Variants in NUDT5 observed in about 807,000 individuals in gnomAD.
The protein encoded by NUDT5 is ADP-sugar pyrophosphatase.
NUDT5 carries 21 observed loss-of-function variants against 34.1 expected under a neutral mutation model. The observed-to-expected ratio is 0.62, with a 90% CI of 0.44 to 0.89. The LOEUF is 0.89. Ranked by LOEUF, NUDT5 falls within the 40% of genes least tolerant of loss-of-function variation. NUDT5 has a pLI of 0.00. For missense variants in NUDT5, 249 were observed against 274.8 expected, an observed-to-expected ratio of 0.91 and a Z score of 0.66; for synonymous variants, 85 against 97.6, an observed-to-expected ratio of 0.87 and a Z score of 0.76.
At position 12,172,658 on chromosome 10, in the gene NUDT5, G is replaced by A. The variant is rs1412335976; in HGVS notation, c.487+107C>T. 11 of 722,142 alleles carry A rather than the reference G, an allele frequency of 1.5e-5. 1 individual carries two copies. The highest frequency in any genetic ancestry group is 2.4e-4 in the Middle Eastern group (1 of 4,242). 44.7% of individuals were successfully genotyped at this position (722,142 alleles called of 1,614,324 possible). On this transcript the variant is annotated intron_variant, in intron 7 of 9. Transcript: ENST00000491614. Reference sequence around the variant, plus strand: ...ACTGATGAAGTCTATTTGAAAGACCGATTCTTTCCATGAAAGACTACATTC... The same window carrying A: ...ACTGATGAAGTCTATTTGAAAGACCAATTCTTTCCATGAAAGACTACATTC...
In NUDT5 at chr10:12,182,067, T is replaced by A. The variant is rs983694166; in HGVS notation, c.131+2822A>T. 6.6e-6 allele frequency among the ~76,000 whole-genome samples: 1 copy of A among 151,348 alleles called. No individual in the cohort carries two copies. The highest frequency in any genetic ancestry group is 6.6e-5 in the Admixed American group (1 of 15,174). ...TTGCTAGAACCAGGGAGGTAGAGGT[T>A]GCAGTGAGCTGAGACCACACCATTG... On this transcript the variant is annotated intron_variant, in intron 3 of 9. Transcript: ENST00000491614. This position sits in a 1 kb window ranked among gnomAD's most constrained non-coding sequence, Gnocchi z 4.3.
chr10:12,193,776 T>C (rs1017356119), intron 1 of NUDT5, among the ~76,000 whole-genome samples: 3 of 152,176 alleles, frequency 2.0e-5, no homozygotes, highest in African/African-American at 7.2e-5. Flanking sequence ...TTCCCTGTAG[T>C]ATCTATATAT....
At chr10:12,177,314 T>G (rs1355674243) in intron 5 of NUDT5, among the ~76,000 whole-genome samples, 3 of 152,002 alleles carry the variant, frequency 2.0e-5, no homozygotes, top group African/African-American at 4.8e-5. Flanking sequence ...GGTCAGGAGA[T>G]CGAGACCATC....
At chr10:12,185,387 G>T (rs375455462) in intron 2 of NUDT5, among the ~76,000 whole-genome samples, 95 of 152,318 alleles carry the variant, frequency 6.2e-4, no homozygotes, top group African/African-American at 2.2e-3. Flanking sequence ...TTTCCTGTCA[G>T]TGATGACACA....
At chr10:12,183,450 C>T (rs148383992) in intron 3 of NUDT5, among the ~76,000 whole-genome samples, 18 of 152,304 alleles carry the variant, frequency 1.2e-4, no homozygotes, top group African/African-American at 3.8e-4. Flanking sequence ...GATATAATCA[C>T]AGTTGTTCAG....
In NUDT5 at chr10:12,170,296, G is replaced by C. The variant is rs997366991; in HGVS notation, c.550+421C>G. ...GAAATACCTCAAGTATTTGTTGAAG[G>C]AGCATCATCAATTTCTCCTTGAACA... On this transcript the variant is annotated intron_variant, in intron 9 of 9. Coordinates refer to ENST00000491614, the MANE Select transcript of NUDT5 (RefSeq NM_014142.4). The surrounding 1 kb of genome is among the most constrained non-coding windows in gnomAD (Gnocchi z 4.9). 2 of 1,134,816 alleles carry C rather than the reference G, an allele frequency of 1.8e-6. No individual in the cohort carries two copies. Among genetic ancestry groups the C allele is most frequent in the African/African-American group, 3.0e-5 (2 of 65,818 alleles). 70.3% of individuals were successfully genotyped at this position (1,134,816 alleles called of 1,614,324 possible).
At chr10:12,190,146 G>A (rs1588663079) in intron 1 of NUDT5, among the ~76,000 whole-genome samples, 1 of 152,104 alleles carries the variant, frequency 6.6e-6, no homozygotes, top group African/African-American at 2.4e-5. Context: ...GCCTCGGCCT[G>A]CCAAAGTGCT....
At chr10:12,174,885 C>T (rs994374033) in intron 5 of NUDT5, among the ~76,000 whole-genome samples, 1 of 151,232 alleles carries the variant, frequency 6.6e-6, no homozygotes, top group East Asian at 1.9e-4. Context: ...AGTAAAACAC[C>T]GAGGCCTGGG....
At chr10:12,176,831 C>G (rs1459399664) in intron 5 of NUDT5, among the ~76,000 whole-genome samples, 2 of 151,972 alleles carry the variant, frequency 1.3e-5, no homozygotes, top group Non-Finnish European at 2.9e-5. Context: ...GAGTTAAGAG[C>G]CTGGCCTAGG....
rs138665688 is a variant in NUDT5 at position 12,179,260 on chromosome 10, A to G, written c.132-128T>C. On this transcript the variant is annotated intron_variant, in intron 3 of 9. Coordinates refer to ENST00000491614, the MANE Select transcript of NUDT5 (RefSeq NM_014142.4). ...TGTACTCATGATACTGGTCAAGAAG[A>G]CCACAGCAATAAACGTCTGCATTAA... 1.7e-3 allele frequency: 1,165 copies of G among 675,686 alleles called. 15 individuals are homozygous for G. The African/African-American group carries it at 0.019, about 11-fold the overall frequency. 41.9% of individuals were successfully genotyped at this position (675,686 alleles called of 1,614,324 possible).
At position 12,184,925 on chromosome 10, in the gene NUDT5, T is replaced by C; in HGVS notation, c.95A>G (p.Glu32Gly). The C allele has an allele frequency of 1.3e-6, 2 of 1,599,318 alleles. No homozygotes were observed. Among genetic ancestry groups the C allele is most frequent in the Non-Finnish European group, 1.7e-6 (2 of 1,169,446 alleles). ...LISEGKWVKL[E>G]KTTYMDPTGK... is the part of the protein sequence containing the mutation. ...AGTAGGATCCATGTACGTTGTTTTTTCAAGCTTGACCCATTTTCCTTCTGA... is the reference window on the plus strand; with the variant it reads ...AGTAGGATCCATGTACGTTGTTTTTCCAAGCTTGACCCATTTTCCTTCTGA... The change falls in exon 3 of 10, where the codon GAA becomes GGA. Residue 32 changes from glutamate to glycine, a missense_variant. Coordinates refer to ENST00000491614, the MANE Select transcript of NUDT5 (RefSeq NM_014142.4).
Position 12,184,937 on chromosome 10 carries a change from C to T in NUDT5, c.83G>A (p.Trp28Ter), listed in dbSNP as rs1386697193. The T allele has an allele frequency of 1.3e-6, 2 of 1,575,932 alleles. No individual in the cohort carries two copies. The highest frequency in any genetic ancestry group is 2.7e-5 in the African/African-American group (2 of 73,976). The change falls in exon 3 of 10, where the codon TGG becomes TAG. Residue 28 changes from tryptophan (W) to a stop codon, truncating the protein, a stop_gained. Transcript: ENST00000491614. LOFTEE classifies it high-confidence loss of function. The part of the protein sequence containing the change: ...ISEELISEGK[W>*]VKLEKTTYMD... ...GTACGTTGTTTTTTCAAGCTTGACC[C>T]ATTTTCCTTCTGAAATTAACTAAAA...
At chr10:12,190,133 C>A (rs905996579) in intron 1 of NUDT5, among the ~76,000 whole-genome samples, 4 of 152,172 alleles carry the variant, frequency 2.6e-5, no homozygotes, top group Non-Finnish European at 4.4e-5. Flanking sequence ...TCGTGATCCA[C>A]CCGCCTCGGC....
intron 2 of NUDT5, among the ~76,000 whole-genome samples, 170 bp from the exon 3 acceptor site, chr10:12,185,126 G>C (rs1835104807): frequency 1.3e-5 from 2 of 151,542 alleles, no homozygotes; most frequent in Admixed American, 1.3e-4. Context: ...AGGTATTCAG[G>C]GTTGTTTTTT....
Position 12,170,568 on chromosome 10 carries a change from G to C in NUDT5, c.550+149C>G. The stretch of plus-strand genomic sequence containing the variant: ...TGCCACCCAGAAAGGAAAATTAGTA[G>C]TGGTCACCTGCAGTTTTACAAGTTG... On this transcript the variant is annotated intron_variant, in intron 9 of 9. Transcript: ENST00000491614. This position sits in a 1 kb window ranked among gnomAD's most constrained non-coding sequence, Gnocchi z 4.9. 1 of 776,294 alleles carries C rather than the reference G, an allele frequency of 1.3e-6. No individual in the cohort carries two copies. The highest frequency in any genetic ancestry group is 1.6e-5 in the South Asian group (1 of 60,922). 48.1% of individuals were successfully genotyped at this position (776,294 alleles called of 1,614,324 possible).
chr10:12,186,437 C>T (rs1034238396), intron 1 of NUDT5, 105 bp from the exon 2 acceptor site: 13 of 655,460 alleles, frequency 2.0e-5, no homozygotes, highest in Non-Finnish European at 3.0e-5. Context: ...ATTCATCTAC[C>T]ATCAACGCTG....
intron 5 of NUDT5, among the ~76,000 whole-genome samples, chr10:12,174,599 A>C (rs1256824209): frequency 6.6e-6 from 1 of 152,338 alleles, no homozygotes; most frequent in East Asian, 1.9e-4. Flanking sequence ...AGAAACAAAA[A>C]GGCGAAAGAA....
chr10:12,170,159 A>C lies in NUDT5; in HGVS notation c.550+558T>G. 1.2e-6 allele frequency: 2 copies of C among 1,612,650 alleles called. No individual in the cohort carries two copies. The highest frequency in any genetic ancestry group is 1.7e-6 in the Non-Finnish European group (2 of 1,179,690). On this transcript the variant is annotated intron_variant, in intron 9 of 9. Transcript: ENST00000491614. This position sits in a 1 kb window ranked among gnomAD's most constrained non-coding sequence, Gnocchi z 4.9. ...TAAGCTTACTGTTTACAAAGTCTCT[A>C]AAAGATGGGTGGCCAAGAATTATAC...
At chr10:12,194,485 A>G (rs966247009) in intron 1 of NUDT5, among the ~76,000 whole-genome samples, 9 of 152,208 alleles carry the variant, frequency 5.9e-5, no homozygotes, top group African/African-American at 1.9e-4. Context: ...CAAGGCATAA[A>G]TGATGAATCA....
Sources: gnomAD v4.1 joint callset for allele counts (sites outside exome capture counted in the v4.1 genomes callset) on GRCh38, gnomAD v4.1.1 for gene constraint, Gnocchi (gnomAD v3.1) non-coding constraint, MANE v1.5 for transcripts, NCBI Gene and HGNC (gene_info 2026-07-23, HGNC 2026-07-21) for gene names.